Variants in KDM4C observed in about 807,000 individuals in gnomAD.
The protein encoded by KDM4C is lysine-specific demethylase 4C.
In KDM4C, 81 loss-of-function variants were observed where a neutral mutation model predicts 129.3. The observed-to-expected ratio is 0.63, with a 90% CI of 0.52 to 0.75. The LOEUF (loss-of-function observed/expected upper bound fraction) is 0.75, where lower values mean the gene tolerates loss of function less well. KDM4C is among the 30% of genes least tolerant of loss of function. KDM4C has a pLI of 0.00. For synonymous variants in KDM4C, 573 were observed against 456.1 expected, an observed-to-expected ratio of 1.26 and a Z score of -3.26; for missense variants, 1,457 against 1,304.0, an observed-to-expected ratio of 1.12 and a Z score of -1.81.
chr9:7,163,132 A>G (rs971735653), intron 19 of KDM4C, among the ~76,000 whole-genome samples: 1 of 152,136 alleles, frequency 6.6e-6, no homozygotes, highest in Non-Finnish European at 1.5e-5. Flanking sequence ...CCAGAGAGAA[A>G]GGGAAGGAGC....
At chr9:6,767,747 C>T (rs751777642) in intron 1 of KDM4C, among the ~76,000 whole-genome samples, 1 of 152,194 alleles carries the variant, frequency 6.6e-6, no homozygotes, top group African/African-American at 2.4e-5. Context: ...GCGTGATCTT[C>T]TGTGCTTGGC....
intron 19 of KDM4C, among the ~76,000 whole-genome samples, chr9:7,160,862 A>G (rs1486793897): frequency 6.6e-6 from 1 of 152,208 alleles, no homozygotes; most frequent in African/African-American, 2.4e-5. Flanking sequence ...TGCTGTCTTC[A>G]GAGCTGTCAG....
chr9:6,827,453 C>G (rs2131283154), intron 4 of KDM4C, among the ~76,000 whole-genome samples: 1 of 152,320 alleles, frequency 6.6e-6, no homozygotes, highest in African/African-American at 2.4e-5. Flanking sequence ...GGAATCTTTT[C>G]ACACCAAGGT....
intron 8 of KDM4C, among the ~76,000 whole-genome samples, chr9:6,911,352 C>T (rs191705144): frequency 6.6e-6 from 1 of 152,238 alleles, no homozygotes; most frequent in East Asian, 1.9e-4. Flanking sequence ...GATAAATTAC[C>T]TGTTTCTAGC....
At chr9:7,149,156 G>A (rs573830169) in intron 19 of KDM4C, among the ~76,000 whole-genome samples, 1 of 152,322 alleles carries the variant, frequency 6.6e-6, no homozygotes, top group Admixed American at 6.5e-5. Context: ...GTGCTCCTCA[G>A]CACCCAAAAT....
chr9:7,154,823 T>C (rs899836460), intron 19 of KDM4C, among the ~76,000 whole-genome samples: 1 of 152,176 alleles, frequency 6.6e-6, no homozygotes, highest in Non-Finnish European at 1.5e-5. Flanking sequence ...CCAGTGTCCT[T>C]GTGAACAAGG....
intron 2 of KDM4C, among the ~76,000 whole-genome samples, chr9:6,799,242 G>C (rs992007515): frequency 9.2e-5 from 14 of 152,212 alleles, no homozygotes; most frequent in Non-Finnish European, 1.6e-4. Context: ...GTAGCGACGC[G>C]AGATCACGCC....
intron 1 of KDM4C, among the ~76,000 whole-genome samples, chr9:6,732,018 A>G (rs1448158999): frequency 6.6e-6 from 1 of 152,112 alleles, no homozygotes; most frequent in African/African-American, 2.4e-5. Context: ...AGTTTGGAGT[A>G]TGTTCCTTAC....
intron 1 of KDM4C, among the ~76,000 whole-genome samples, chr9:6,746,724 A>G (rs1023146817): frequency 7.2e-6 from 1 of 138,474 alleles, no homozygotes; most frequent in South Asian, 2.3e-4. Flanking sequence ...TAAGAAAAAA[A>G]CAGGCCAGGC....
chr9:6,883,812 C>G (rs1184744570), intron 6 of KDM4C, among the ~76,000 whole-genome samples: 4 of 151,964 alleles, frequency 2.6e-5, no homozygotes, highest in Admixed American at 2.0e-4. Flanking sequence ...AGTTTGATCC[C>G]AATGTTCTTG....
intron 4 of KDM4C, chr9:6,815,173 C>T (rs1373299799): frequency 3.3e-5 from 5 of 151,656 alleles, no homozygotes; most frequent in Non-Finnish European, 7.4e-5. Flanking sequence ...TCCTTTTTTT[C>T]ACAGACAAAT....
chr9:7,062,307 T>G (rs1831810429), intron 17 of KDM4C, among the ~76,000 whole-genome samples: 1 of 152,066 alleles, frequency 6.6e-6, no homozygotes, highest in Non-Finnish European at 1.5e-5. Flanking sequence ...GGATGCAGCT[T>G]TCTCAGTTTT....
At chr9:6,842,076 A>T (rs767532393) in intron 4 of KDM4C, among the ~76,000 whole-genome samples, 5 of 152,120 alleles carry the variant, frequency 3.3e-5, no homozygotes, top group Admixed American at 3.3e-4. Flanking sequence ...GTATAGTCTC[A>T]CTCCAGTTAC....
chr9:6,786,386 T>C (rs967643463), intron 1 of KDM4C, among the ~76,000 whole-genome samples: 6 of 152,236 alleles, frequency 3.9e-5, no homozygotes, highest in African/African-American at 7.2e-5. Flanking sequence ...AAAAAAATTC[T>C]TAGGGTACTT....
At chr9:6,952,671 C>G (rs1828385425) in intron 8 of KDM4C, among the ~76,000 whole-genome samples, 1 of 152,032 alleles carries the variant, frequency 6.6e-6, no homozygotes, top group Admixed American at 6.5e-5. Context: ...AAACTCCTGA[C>G]CTCAGTTGAT....
chr9:6,731,543 G>A (rs1458861565), intron 1 of KDM4C, among the ~76,000 whole-genome samples: 5 of 151,716 alleles, frequency 3.3e-5, no homozygotes, highest in African/African-American at 1.2e-4. Flanking sequence ...CCATGTTGAG[G>A]CTGGTCTCGA....
At chr9:6,854,612 G>A (rs1379422781) in intron 5 of KDM4C, among the ~76,000 whole-genome samples, 4 of 150,922 alleles carry the variant, frequency 2.7e-5, no homozygotes, top group African/African-American at 9.8e-5. Context: ...AAGAGGATGT[G>A]TTTTAAGCTG....
At chr9:6,740,422 C>G (rs144440965) in intron 1 of KDM4C, among the ~76,000 whole-genome samples, 2,552 of 152,184 alleles carry the variant, frequency 0.017, 64 homozygotes, top group African/African-American at 0.055. Flanking sequence ...CCAGGATGGT[C>G]TTGATCTCCT....
chr9:6,769,414 G>T (rs993963593), intron 1 of KDM4C, among the ~76,000 whole-genome samples: 15 of 151,844 alleles, frequency 9.9e-5, no homozygotes, highest in African/African-American at 3.1e-4. Flanking sequence ...TTGGGATCTG[G>T]GTCCGGGATA....
Sources: gnomAD v4.1 joint callset for allele counts (sites outside exome capture counted in the v4.1 genomes callset) on GRCh38, gnomAD v4.1.1 for gene constraint, MANE v1.5 for transcripts, NCBI Gene and HGNC (gene_info 2026-07-23, HGNC 2026-07-21) for gene names.